Variants in COQ4 observed in about 807,000 individuals in gnomAD.
COQ4 encodes coenzyme Q4.
In COQ4, 36 loss-of-function variants were observed where a neutral mutation model predicts 30.2. The ratio of observed to expected loss-of-function variants is 1.19; its 90% CI spans 0.91 to 1.57. COQ4 has a LOEUF of 1.57. Among genes scored for constraint, COQ4 ranks in the 40% most tolerant of loss-of-function variants. The pLI is 0.00. For synonymous variants in COQ4, 197 were observed against 161.0 expected (o/e 1.22, Z -1.69); for missense variants, 369 against 371.9 (o/e 0.99, Z 0.07).
At chr9:128,325,613 G>A (rs141896301) in intron 3 of COQ4, among the ~76,000 whole-genome samples, 166 bp from the exon 4 acceptor site, 1 of 152,310 alleles carries the variant, frequency 6.6e-6, no homozygotes, top group East Asian at 1.9e-4. Flanking sequence ...GTTTGGGGTA[G>A]TATCCTAAGT....
rs1832454572 is a variant in COQ4, at chr9:128,333,711, CCCTTGACTA to C, written c.*71_*79del. ...CTGCTTCCCTTGGAGGCAGAGGGCT[CCCTTGACTA>C]CCTTTGTTCCTCTTCTTTGAACACT... is the stretch of plus-strand genomic sequence containing the variant. On this transcript the variant is annotated 3_prime_UTR_variant, in exon 7 of 7. Transcript: ENST00000300452. 1.5e-6 allele frequency: 2 copies of C among 1,308,306 alleles called. No homozygotes were observed. Among genetic ancestry groups the C allele is most frequent in the Admixed American group, 5.3e-5 (2 of 37,440 alleles). 81.0% of individuals were successfully genotyped at this position (1,308,306 alleles called of 1,614,324 possible). A position where few individuals can be genotyped will look rare whatever the true frequency, so the allele number is the denominator to read the frequency against.
rs1383431501 is a variant in COQ4 at position 128,323,014 on chromosome 9, A to G, written c.71-2A>G. 5 of 1,611,466 alleles carry G rather than the reference A, an allele frequency of 3.1e-6. No individual in the cohort carries two copies. ...GACCTCGGCCTTTTTCTTGCCCCGC[A>G]GAAATGCCCCTCCGGGCTAGGAGCG... On this transcript the variant is annotated splice_acceptor_variant, in intron 1 of 6. Coordinates refer to ENST00000300452, the MANE Select transcript of COQ4 (RefSeq NM_016035.5). LOFTEE classifies it high-confidence loss of function.
rs1832233322 is a variant in COQ4 at position 128,322,935 on chromosome 9, G to C, written c.70+7G>C. 1 of 1,602,114 alleles carries C rather than the reference G, an allele frequency of 6.2e-7. No individual in the cohort carries two copies. The highest frequency in any genetic ancestry group is 8.5e-7 in the Non-Finnish European group (1 of 1,178,162). On this transcript the variant is annotated splice_region_variant and intron_variant, in intron 1 of 6. Coordinates refer to ENST00000300452, the MANE Select transcript of COQ4 (RefSeq NM_016035.5). ...CTACAGCGGCCTGCGGCAGGCAAGT[G>C]GCGCCGGGTTCTGGGCGCAGGCGGG...
At chr9:128,323,381 G>C (rs111704595) in intron 2 of COQ4, 216 of 558,446 alleles carry the variant, frequency 3.9e-4, no homozygotes, top group African/African-American at 3.5e-3. Flanking sequence ...AACTACTTGG[G>C]AGAATCTGTC....
chr9:128,325,136 C>A lies in COQ4; in HGVS notation c.203-7C>A. ...TCCCCCATTTGTGCCCGTTTCTGTC[C>A]TTTCAGACATGGTCGCAGTTCTAGG... On this transcript the variant is annotated splice_region_variant and splice_polypyrimidine_tract_variant and intron_variant, in intron 2 of 6. Coordinates refer to ENST00000300452, the MANE Select transcript of COQ4 (RefSeq NM_016035.5). 2 of 1,609,814 alleles carry A rather than the reference C, an allele frequency of 1.2e-6. No homozygotes were observed. Among genetic ancestry groups the A allele is most frequent in the Non-Finnish European group, 1.7e-6 (2 of 1,177,240 alleles).
rs930395768 is a variant in COQ4 at position 128,322,941 on chromosome 9, G to A, written c.70+13G>A. 4 of 1,603,078 alleles carry A rather than the reference G, an allele frequency of 2.5e-6. No individual in the cohort carries two copies. Among genetic ancestry groups the A allele is most frequent in the African/African-American group, 1.3e-5 (1 of 74,762 alleles). Reference sequence around the variant, plus strand: ...CGGCCTGCGGCAGGCAAGTGGCGCCGGGTTCTGGGCGCAGGCGGGAAGGAG... The same window carrying A: ...CGGCCTGCGGCAGGCAAGTGGCGCCAGGTTCTGGGCGCAGGCGGGAAGGAG... On this transcript the variant is annotated intron_variant, in intron 1 of 6. Coordinates refer to ENST00000300452, the MANE Select transcript of COQ4 (RefSeq NM_016035.5).
At chr9:128,326,723 G>A (rs1241998400) in intron 4 of COQ4, among the ~76,000 whole-genome samples, 3 of 152,090 alleles carry the variant, frequency 2.0e-5, no homozygotes, top group South Asian at 2.1e-4. Flanking sequence ...GATTACAGGC[G>A]TGAGCCACAG....
intron 4 of COQ4, chr9:128,326,272 A>G (rs1832319199): frequency 2.8e-6 from 1 of 359,562 alleles, no homozygotes; most frequent in Non-Finnish European, 5.1e-6. Flanking sequence ...TCAATCCCAG[A>G]TCATGCTCTT....
chr9:128,324,879 T>C (rs1414803175), intron 2 of COQ4, among the ~76,000 whole-genome samples: 2 of 152,250 alleles, frequency 1.3e-5, no homozygotes, highest in Non-Finnish European at 2.9e-5. Context: ...TGATATTGTA[T>C]TGTGAAAAGT....
At chr9:128,328,062 G>A (rs146303794) in intron 4 of COQ4, among the ~76,000 whole-genome samples, 1 of 152,242 alleles carries the variant, frequency 6.6e-6, no homozygotes, top group South Asian at 2.1e-4. Flanking sequence ...TGAGTAGAGG[G>A]AATGGCAAGG....
rs931633975 is a variant in COQ4 at position 128,333,990 on chromosome 9, G to A, written c.*345G>A. On this transcript the variant is annotated 3_prime_UTR_variant, in exon 7 of 7. Transcript: ENST00000300452. Reference sequence around the variant, plus strand: ...AGGCTGGGTGTCCTCACAGGAGTGAGGGCTACACCCAATTCCAAAAGCCTG... The same window carrying A: ...AGGCTGGGTGTCCTCACAGGAGTGAAGGCTACACCCAATTCCAAAAGCCTG... The A allele has an allele frequency of 3.2e-5, 6 of 185,786 alleles. No individual in the cohort carries two copies. Among genetic ancestry groups the A allele is most frequent in the Admixed American group, 6.2e-5 (1 of 16,104 alleles). The allele number at this position is 185,786 out of a possible 1,614,324, so 11.5% of individuals were successfully genotyped here. A position where few individuals can be genotyped will look rare whatever the true frequency, so the allele number is the denominator to read the frequency against.
Position 128,322,874 on chromosome 9 carries a change from C to T in COQ4, c.16C>T (p.Arg6Cys), listed in dbSNP as rs1160311099. MATLL[R>C]PVLRRLCGLP... is the part of the protein sequence containing the mutation. Reference sequence around the variant, plus strand: ...GCCCGCTGCCATGGCGACTCTGCTGCGCCCTGTCCTCCGTCGGCTCTGCGG... The same window carrying T: ...GCCCGCTGCCATGGCGACTCTGCTGTGCCCTGTCCTCCGTCGGCTCTGCGG... Residue 6 changes from arginine (R) to cysteine (C), a missense_variant, in exon 1 of 7, where the codon CGC becomes TGC. Arg to Cys is a radical substitution (Grantham distance 180). Transcript: ENST00000300452. 5.7e-6 allele frequency: 9 copies of T among 1,579,842 alleles called. No individual in the cohort carries two copies. The East Asian group carries it at 1.6e-4, about 28-fold the overall frequency.
chr9:128,326,809 G>GCC (rs923997170), intron 4 of COQ4, among the ~76,000 whole-genome samples: 2 of 151,718 alleles, frequency 1.3e-5, no homozygotes, highest in African/African-American at 2.4e-5. Context: ...GAGTGCAGTG[G>GCC]CGCCGTCTCG....
At chr9:128,333,019 GA>G in intron 6 of COQ4, 76 bp downstream of exon 6, 1 of 1,073,768 alleles carries the variant, frequency 9.3e-7, no homozygotes, top group South Asian at 1.3e-5. Flanking sequence ...AGGGCTCTTA[GA>G]AGTAGGAAGA....
intron 5 of COQ4, 45 bp downstream of exon 5, chr9:128,332,327 C>T: frequency 6.2e-7 from 1 of 1,602,708 alleles, no homozygotes. Flanking sequence ...GGGGTGGCTT[C>T]AGGGCCAGGG....
At chr9:128,333,042 C>A in intron 6 of COQ4, 99 bp downstream of exon 6, 1 of 838,268 alleles carries the variant, frequency 1.2e-6, no homozygotes, top group Non-Finnish European at 2.1e-6. Flanking sequence ...CACACGGGCC[C>A]CTGCACAGCC....
At chr9:128,333,047 A>C (rs974383032) in intron 6 of COQ4, 104 bp downstream of exon 6, 2 of 832,400 alleles carry the variant, frequency 2.4e-6, no homozygotes, top group African/African-American at 3.4e-5. Flanking sequence ...GGGCCCCTGC[A>C]CAGCCCGTTC....
In COQ4 at chr9:128,322,912, A is replaced by G. The variant is rs1832230763; in HGVS notation, c.54A>G (p.Leu18=). 1 of 1,599,124 alleles carries G rather than the reference A, an allele frequency of 6.3e-7. No individual in the cohort carries two copies. Among genetic ancestry groups the G allele is most frequent in the Non-Finnish European group, 8.5e-7 (1 of 1,176,964 alleles). The change falls in exon 1 of 7, where the codon CTA becomes CTG. Residue 18 remains leucine (L), a synonymous_variant. Coordinates refer to ENST00000300452, the MANE Select transcript of COQ4 (RefSeq NM_016035.5). ...GTCGGCTCTGCGGGCTCCCGGGCCTACAGCGGCCTGCGGCAGGCAAGTGGC... is the reference window on the plus strand; with the variant it reads ...GTCGGCTCTGCGGGCTCCCGGGCCTGCAGCGGCCTGCGGCAGGCAAGTGGC... ...VLRRLCGLPG[L]QRPAAEMPLR...
chr9:128,323,104 C>G lies in COQ4; in HGVS notation c.159C>G (p.Ala53=). The G allele has an allele frequency of 6.2e-7, 1 of 1,611,094 alleles. No homozygotes were observed. Residue 53 remains alanine, a synonymous_variant, in exon 2 of 7, where the codon GCC becomes GCG. Transcript: ENST00000300452. ...PTSPLQKGLL[A]AGSAAMALYN... is the part of the protein sequence containing the mutation. ...CCCCGCTGCAGAAAGGGCTGTTGGC[C>G]GCCGGCTCCGCGGCGATGGCGCTCT... is the stretch of plus-strand genomic sequence containing the variant.
Sources: allele counts gnomAD v4.1 joint callset (sites outside exome capture counted in the v4.1 genomes callset), GRCh38; gene constraint gnomAD v4.1.1; transcripts MANE v1.5; gene names NCBI Gene and HGNC (gene_info 2026-07-23, HGNC 2026-07-21).